Variants in SFSWAP observed in about 807,000 individuals in gnomAD.
SFSWAP encodes the protein splicing factor, suppressor of white-apricot homolog.
A neutral mutation model predicts 100.7 loss-of-function variants in SFSWAP; 17 were observed. That is an observed-to-expected ratio of 0.17 (90% confidence interval 0.12 to 0.25). SFSWAP has a LOEUF of 0.25. Ranked by LOEUF, SFSWAP falls within the 10% of genes least tolerant of loss-of-function variation. SFSWAP has a pLI of 1.00. For synonymous variants in SFSWAP, 504 were observed against 510.1 expected (o/e 0.99, Z 0.16); for missense variants, 1,005 against 1,262.6 (o/e 0.80, Z 3.09).
chr12:131,735,315 ACT>A (rs1416276732), intron 7 of SFSWAP, among the ~76,000 whole-genome samples: 2 of 151,944 alleles, frequency 1.3e-5, no homozygotes, highest in Admixed American at 1.3e-4. Context: ...TGGCTGGATG[ACT>A]CTGAGCCCTT....
At chr12:131,760,883 T>C (rs963236926) in intron 11 of SFSWAP, among the ~76,000 whole-genome samples, 8 of 152,038 alleles carry the variant, frequency 5.3e-5, no homozygotes, top group African/African-American at 1.7e-4. Context: ...ACCAGCCTGG[T>C]CAACATGGTG....
At position 131,780,270 on chromosome 12, in the gene SFSWAP, T is replaced by C. The variant is rs1196092194; in HGVS notation, c.2408+1940T>C. Among the ~76,000 whole-genome samples, 6 of 152,230 alleles carry C rather than the reference T, an allele frequency of 3.9e-5. No homozygotes were observed. In the East Asian group the frequency reaches 1.2e-3, roughly 29 times the overall value. On this transcript the variant is annotated intron_variant, in intron 14 of 17. Transcript: ENST00000261674. ...ACGCAAAAAAGAAACCTTGCTATTT[T>C]CTAATCAAATGAACAGTTTTGCTAA...
At chr12:131,715,223 G>C (rs1267198637) in intron 3 of SFSWAP, among the ~76,000 whole-genome samples, 1 of 152,220 alleles carries the variant, frequency 6.6e-6, no homozygotes, top group Non-Finnish European at 1.5e-5. Flanking sequence ...TTTGTTTCTA[G>C]ATTGGTAACA....
At chr12:131,781,859 A>G (rs1205808244) in intron 14 of SFSWAP, among the ~76,000 whole-genome samples, 1 of 152,242 alleles carries the variant, frequency 6.6e-6, no homozygotes, top group Non-Finnish European at 1.5e-5. Context: ...TATGAAGGCA[A>G]AGTGCAAGCT....
intron 7 of SFSWAP, among the ~76,000 whole-genome samples, chr12:131,747,168 GT>G (rs1881215142): frequency 6.6e-6 from 1 of 150,750 alleles, no homozygotes; most frequent in South Asian, 2.1e-4. Context: ...TTGTACAGGT[GT>G]TGAGCGATTT....
chr12:131,798,135 A>G (rs2136285968), intron 16 of SFSWAP, among the ~76,000 whole-genome samples: 1 of 152,110 alleles, frequency 6.6e-6, no homozygotes, highest in African/African-American at 2.4e-5. Context: ...CAGTCTGGAC[A>G]ACATGGCAGG....
At chr12:131,728,208 G>T in intron 6 of SFSWAP, 85 bp from the exon 7 acceptor site, 1 of 1,498,058 alleles carries the variant, frequency 6.7e-7, no homozygotes. Flanking sequence ...TGTACACTGA[G>T]TCCTAAAGGT....
intron 16 of SFSWAP, among the ~76,000 whole-genome samples, chr12:131,798,551 C>G (rs2136286465): frequency 6.6e-6 from 1 of 152,216 alleles, no homozygotes; most frequent in African/African-American, 2.4e-5. Flanking sequence ...GTAAACATTT[C>G]AGATGAGTAT....
rs527599583 is a variant in SFSWAP, at chr12:131,751,250, A to G, written c.1082-1873A>G. 1.7e-3 allele frequency among the ~76,000 whole-genome samples: 254 copies of G among 152,328 alleles called. 2 individuals carry two copies. Among genetic ancestry groups the G allele is most frequent in the African/African-American group, 5.9e-3 (245 of 41,560 alleles). ...AGGTATCAGGTTGGAGCTGCATAAT[A>G]TGTACTACTAGTTGAAATAATTATA... On this transcript the variant is annotated intron_variant, in intron 7 of 17. Coordinates refer to ENST00000261674, the MANE Select transcript of SFSWAP (RefSeq NM_004592.4).
At chr12:131,767,364 A>G (rs1245374613) in intron 13 of SFSWAP, among the ~76,000 whole-genome samples, 9 of 152,222 alleles carry the variant, frequency 5.9e-5, no homozygotes, top group African/African-American at 2.2e-4. Flanking sequence ...ATGTCTCTGA[A>G]TTTTATTTTG....
chr12:131,759,197 T>G (rs143687668), intron 11 of SFSWAP, among the ~76,000 whole-genome samples: 2 of 152,304 alleles, frequency 1.3e-5, no homozygotes, highest in African/African-American at 4.8e-5. Context: ...GTGAAAAATA[T>G]CGCTTTCTAA....
At chr12:131,746,724 G>A (rs562167691) in intron 7 of SFSWAP, among the ~76,000 whole-genome samples, 3 of 152,328 alleles carry the variant, frequency 2.0e-5, no homozygotes, top group East Asian at 3.9e-4. Context: ...TAGTTTGGAA[G>A]CACCTAGAAT....
At chr12:131,785,100 C>T (rs1250390418) in intron 14 of SFSWAP, 3 of 1,535,640 alleles carry the variant, frequency 2.0e-6, no homozygotes, top group African/African-American at 1.4e-5. Context: ...GGACGCTGCG[C>T]GCGGAGCCCT....
chr12:131,732,771 G>A (rs142368848), intron 7 of SFSWAP, among the ~76,000 whole-genome samples: 16 of 152,300 alleles, frequency 1.1e-4, no homozygotes, highest in African/African-American at 2.2e-4. Flanking sequence ...AGGCACAACC[G>A]TCAGAGGCAT....
chr12:131,721,679 G>C (rs1046451189), intron 4 of SFSWAP, among the ~76,000 whole-genome samples: 1 of 152,126 alleles, frequency 6.6e-6, no homozygotes, highest in Non-Finnish European at 1.5e-5. Flanking sequence ...ATATTTAATG[G>C]CTTTGTGTTC....
intron 7 of SFSWAP, among the ~76,000 whole-genome samples, chr12:131,746,478 C>G (rs1257659506): frequency 1.3e-5 from 2 of 152,174 alleles, no homozygotes; most frequent in Non-Finnish European, 2.9e-5. Context: ...GCTGGGTTTC[C>G]CTGTCCCCCG....
chr12:131,740,966 C>CTTTTTTTTTTTTTTTT lies in SFSWAP; in HGVS notation c.1082-12148_1082-12133dup, dbSNP rs60047663. ...TCATTTCTTTTTTTTTCTTTTTTTT[C>CTTTTTTTTTTTTTTTT]TTTTTTTTTTTTTTTTTTTTTTTTG... On this transcript the variant is annotated intron_variant, in intron 7 of 17. Coordinates refer to ENST00000261674, the MANE Select transcript of SFSWAP (RefSeq NM_004592.4). 3.0e-4 allele frequency among the ~76,000 whole-genome samples: 21 copies of CTTTTTTTTTTTTTTTT among 70,150 alleles called. 1 individual carries two copies. Among genetic ancestry groups the CTTTTTTTTTTTTTTTT allele is most frequent in the African/African-American group, 4.1e-4 (7 of 17,126 alleles). The allele number at this position is 70,150 out of a possible 152,430, so 46.0% of individuals were successfully genotyped here.
rs562285782 is a variant in SFSWAP at position 131,799,411 on chromosome 12, C to T, written c.2791-12C>T. ...TCTTCACAGGTTCTCCTCTGTGTCT[C>T]GCCCTGCACAGGATCTCATGGCCAA... On this transcript the variant is annotated splice_polypyrimidine_tract_variant and intron_variant, in intron 17 of 17. Transcript: ENST00000261674. 304 of 1,613,790 alleles carry T rather than the reference C, an allele frequency of 1.9e-4. 4 individuals carry two copies. The South Asian group carries it at 3.2e-3, about 17-fold the overall frequency.
In SFSWAP at chr12:131,711,713, C is replaced by T. The variant is rs549103032; in HGVS notation, c.218+266C>T. The T allele has an allele frequency of 5.3e-5, 24 of 449,492 alleles. 3 individuals carry two copies. In the South Asian group the frequency reaches 6.8e-4, roughly 13 times the overall value. 27.8% of individuals were successfully genotyped at this position (449,492 alleles called of 1,614,324 possible). A position where few individuals can be genotyped will look rare whatever the true frequency, so the allele number is the denominator to read the frequency against. On this transcript the variant is annotated intron_variant, in intron 1 of 17. Coordinates refer to ENST00000261674, the MANE Select transcript of SFSWAP (RefSeq NM_004592.4). This position sits in a 1 kb window ranked among gnomAD's most constrained non-coding sequence, Gnocchi z 4.9. ...TCCCGCAGCCCCTCTCGACCCCTCACCCTGTCGCTGGGCTGCAGTTGGCGA... is the reference window on the plus strand; with the variant it reads ...TCCCGCAGCCCCTCTCGACCCCTCATCCTGTCGCTGGGCTGCAGTTGGCGA...
Sources: allele counts gnomAD v4.1 joint callset (sites outside exome capture counted in the v4.1 genomes callset), GRCh38; gene constraint gnomAD v4.1.1; non-coding constraint Gnocchi (gnomAD v3.1); transcripts MANE v1.5; gene names NCBI Gene and HGNC (gene_info 2026-07-23, HGNC 2026-07-21).